Variants in ARHGAP15 observed in about 807,000 individuals in gnomAD.
The protein encoded by ARHGAP15 is Rho GTPase activating protein 15, also known as rho GTPase-activating protein 15.
A neutral mutation model predicts 63.7 loss-of-function variants in ARHGAP15; 51 were observed. The observed-to-expected ratio is 0.80, with a 90% CI of 0.64 to 1.01. The LOEUF is 1.01. ARHGAP15 is among the 50% of genes least tolerant of loss of function. ARHGAP15 has a pLI of 0.00. For synonymous variants in ARHGAP15, 191 were observed against 193.8 expected (o/e 0.99, Z 0.12); for missense variants, 560 against 564.6 (o/e 0.99, Z 0.08).
At position 143,276,248 on chromosome 2, in the gene ARHGAP15, A is replaced by C. The variant is rs565729447; in HGVS notation, c.474+25648A>C. Among the ~76,000 whole-genome samples, 15 of 152,348 alleles carry C rather than the reference A, an allele frequency of 9.8e-5. 1 individual carries two copies. The South Asian group carries it at 1.9e-3, about 19-fold the overall frequency. On this transcript the variant is annotated intron_variant, in intron 6 of 13. Transcript: ENST00000295095. The stretch of plus-strand genomic sequence containing the variant: ...ATCATTACCCTTTACCAAACACTCT[A>C]GTGAAATCTCAGCACTCTGTTAGAT...
chr2:143,675,200 T>C (rs937740005), intron 12 of ARHGAP15, among the ~76,000 whole-genome samples: 2 of 152,220 alleles, frequency 1.3e-5, no homozygotes, highest in African/African-American at 2.4e-5. Context: ...GTCATGAGAT[T>C]TGAGCAAATT....
At chr2:143,178,636 T>A (rs919581516) in intron 2 of ARHGAP15, among the ~76,000 whole-genome samples, 1 of 152,206 alleles carries the variant, frequency 6.6e-6, no homozygotes, top group African/African-American at 2.4e-5. Flanking sequence ...TTACTATTAT[T>A]TTTTGTAGAG....
chr2:143,553,917 A>G (rs1174052858), intron 10 of ARHGAP15, among the ~76,000 whole-genome samples: 1 of 152,182 alleles, frequency 6.6e-6, no homozygotes, highest in Non-Finnish European at 1.5e-5. Flanking sequence ...CATGCACTTG[A>G]TTTTACACCT....
chr2:143,484,318 A>G (rs4662334), intron 8 of ARHGAP15, among the ~76,000 whole-genome samples: 40,049 of 149,864 alleles, frequency 0.27, 6,518 homozygotes, highest in Non-Finnish European at 0.37. Context: ...GTGAGCCGAG[A>G]TCGCACCACT....
intron 1 of ARHGAP15, among the ~76,000 whole-genome samples, chr2:143,146,894 GTC>G (rs1378867539): frequency 1.3e-5 from 2 of 151,982 alleles, no homozygotes; most frequent in Non-Finnish European, 2.9e-5. Flanking sequence ...TAAAACAAAT[GTC>G]AACCATATCT....
At chr2:143,165,943 GAAGA>G (rs139582621) in intron 2 of ARHGAP15, among the ~76,000 whole-genome samples, 1 of 92,588 alleles carries the variant, frequency 1.1e-5, no homozygotes, top group Non-Finnish European at 2.2e-5. Context: ...GAAAAGAAAA[GAAGA>G]AAGAAAGAAA....
At chr2:143,439,193 C>CG (rs1689749487) in intron 8 of ARHGAP15, among the ~76,000 whole-genome samples, 1 of 151,282 alleles carries the variant, frequency 6.6e-6, no homozygotes, top group Non-Finnish European at 1.5e-5. Flanking sequence ...GAGGCCAAGG[C>CG]GGGTGGATCA....
chr2:143,237,086 T>G (rs1693683011), intron 5 of ARHGAP15: 2 of 152,060 alleles, frequency 1.3e-5, no homozygotes, highest in Admixed American at 1.3e-4. Flanking sequence ...TAATGTGGGG[T>G]TTTTGTAACC....
intron 12 of ARHGAP15, 54 bp from the exon 13 acceptor site, chr2:143,703,363 CTG>C: frequency 6.9e-7 from 1 of 1,456,956 alleles, no homozygotes; most frequent in Admixed American, 1.9e-5. Context: ...TCTCATGTAC[CTG>C]TACCTATGAA....
intron 1 of ARHGAP15, among the ~76,000 whole-genome samples, chr2:143,145,224 G>A (rs548065959): frequency 1.3e-5 from 2 of 152,152 alleles, no homozygotes; most frequent in East Asian, 3.9e-4. Context: ...ATGGGGTTTT[G>A]TGGATTCAAC....
At chr2:143,612,121 T>A (rs1698278811) in intron 11 of ARHGAP15, among the ~76,000 whole-genome samples, 3 of 152,212 alleles carry the variant, frequency 2.0e-5, no homozygotes, top group African/African-American at 7.2e-5. Context: ...ACAGAGACCA[T>A]TTAATCTATT....
intron 11 of ARHGAP15, 84 bp downstream of exon 11, chr2:143,556,569 T>G: frequency 1.1e-6 from 1 of 943,870 alleles, no homozygotes; most frequent in East Asian, 2.7e-5. Context: ...GTACTGTGAA[T>G]AATAATAAAA....
chr2:143,290,882 C>T (rs573775503), intron 6 of ARHGAP15, among the ~76,000 whole-genome samples: 33 of 152,032 alleles, frequency 2.2e-4, no homozygotes, highest in Non-Finnish European at 3.5e-4. Flanking sequence ...CAGCAGGTAA[C>T]GAGGTAGAAA....
intron 11 of ARHGAP15, among the ~76,000 whole-genome samples, chr2:143,557,391 AAGGT>A (rs1189245639): frequency 1.3e-5 from 2 of 152,126 alleles, no homozygotes; most frequent in Non-Finnish European, 2.9e-5. Context: ...CCAGTGTGAA[AAGGT>A]ATGATTCCAA....
At chr2:143,544,044 C>G (rs182626736) in intron 10 of ARHGAP15, among the ~76,000 whole-genome samples, 41 of 152,220 alleles carry the variant, frequency 2.7e-4, no homozygotes, top group African/African-American at 9.1e-4. Context: ...GTACGAGTCC[C>G]AAAATCACAA....
intron 13 of ARHGAP15, among the ~76,000 whole-genome samples, chr2:143,711,049 G>A (rs921442150): frequency 1.3e-5 from 2 of 152,168 alleles, no homozygotes; most frequent in African/African-American, 4.8e-5. Flanking sequence ...CCTGCCTCCT[G>A]TTTTTGTCAA....
chr2:143,215,297 G>T (rs1351710628), intron 3 of ARHGAP15, among the ~76,000 whole-genome samples: 1 of 152,004 alleles, frequency 6.6e-6, no homozygotes, highest in Non-Finnish European at 1.5e-5. Context: ...TTGAGATGGG[G>T]TTCTTGCTAT....
intron 11 of ARHGAP15, among the ~76,000 whole-genome samples, chr2:143,570,822 CCTT>C (rs981116107): frequency 6.6e-6 from 1 of 151,806 alleles, no homozygotes; most frequent in African/African-American, 2.4e-5. Flanking sequence ...ACAGGTCAAT[CCTT>C]TTTTTTAACA....
chr2:143,578,115 T>C (rs534256111), intron 11 of ARHGAP15, among the ~76,000 whole-genome samples: 1 of 152,274 alleles, frequency 6.6e-6, no homozygotes, highest in Admixed American at 6.5e-5. Flanking sequence ...CAGCAATTGA[T>C]TGGTTCAGGA....
Sources: gnomAD v4.1 joint callset for allele counts (sites outside exome capture counted in the v4.1 genomes callset) on GRCh38, gnomAD v4.1.1 for gene constraint, MANE v1.5 for transcripts, NCBI Gene and HGNC (gene_info 2026-07-23, HGNC 2026-07-21) for gene names.